The following KIF13A variants were observed in gnomAD, a reference collection of about 807,000 sequenced individuals.
The protein encoded by KIF13A is kinesin family member 13A, also known as kinesin-like protein KIF13A.
Under a neutral mutation model 212.2 loss-of-function variants are expected in KIF13A, and 79 were observed. The observed-to-expected ratio is 0.37, with a 90% confidence interval of 0.31 to 0.45. The LOEUF (loss-of-function observed/expected upper bound fraction) is 0.45. Among genes scored for constraint, KIF13A ranks in the 20% least tolerant of loss-of-function variants. The pLI is 1.00. For missense variants in KIF13A, 1,901 were observed against 2,209.0 expected, an observed-to-expected ratio of 0.86 and a Z score of 2.79; for synonymous variants, 789 against 808.6, an observed-to-expected ratio of 0.98 and a Z score of 0.41.
chr6:17,965,302 G>T (rs1779203411), intron 2 of KIF13A, among the ~76,000 whole-genome samples: 1 of 149,500 alleles, frequency 6.7e-6, no homozygotes, highest in Admixed American at 6.6e-5. Flanking sequence ...ATAAATAAGT[G>T]TTGTTTCCAT....
chr6:17,939,090 AC>A (rs1776734520), intron 2 of KIF13A, among the ~76,000 whole-genome samples: 1 of 152,168 alleles, frequency 6.6e-6, no homozygotes, highest in Non-Finnish European at 1.5e-5. Flanking sequence ...ATAAACAGAA[AC>A]AAATTTAAAT....
chr6:17,784,898 G>C (rs191786742), intron 28 of KIF13A, among the ~76,000 whole-genome samples: 1 of 152,282 alleles, frequency 6.6e-6, no homozygotes, highest in Non-Finnish European at 1.5e-5. Context: ...TTTATCATTA[G>C]AGATGCAGGT....
rs906872333 is a variant in KIF13A, at chr6:17,794,754, G to A, written c.2943-50C>T. 1 of 1,561,916 alleles carries A rather than the reference G, an allele frequency of 6.4e-7. No homozygotes were observed. Among genetic ancestry groups the A allele is most frequent in the Non-Finnish European group, 8.6e-7 (1 of 1,156,750 alleles). On this transcript the variant is annotated intron_variant, in intron 23 of 38. Transcript: ENST00000259711. The surrounding 1 kb of genome is among the most constrained non-coding windows in gnomAD (Gnocchi z 4.1). ...AAGAGCGTCATCGTCCAGGGATACT[G>A]TTAGTAATAGTAATAAGCCACCATT...
Position 17,967,563 on chromosome 6 carries a change from C to T in KIF13A, c.146+19491G>A, listed in dbSNP as rs7755583. On this transcript the variant is annotated intron_variant, in intron 2 of 38. Transcript: ENST00000259711. This position sits in a 1 kb window ranked among gnomAD's most constrained non-coding sequence, Gnocchi z 4.1. The stretch of plus-strand genomic sequence containing the variant: ...TCCGAAGTCTTTCTGGAAGACTGCA[C>T]GTGTCAGGAGCAGAGATGCCTGGTT... Among the ~76,000 whole-genome samples, 1 of 152,098 alleles carries T rather than the reference C, an allele frequency of 6.6e-6. No individual in the cohort carries two copies. The highest frequency in any genetic ancestry group is 6.6e-5 in the Admixed American group (1 of 15,266).
rs561174669 is a variant in KIF13A at position 17,794,213 on chromosome 6, C to G, written c.3222+36G>C. ...CCCCCTGGGACCTGCATTAACCAAG[C>G]TTTGTTAAATACTATTTTAAGTCTG... On this transcript the variant is annotated intron_variant, in intron 25 of 38. Transcript: ENST00000259711. The surrounding 1 kb of genome is among the most constrained non-coding windows in gnomAD (Gnocchi z 4.1). The G allele has an allele frequency of 6.4e-7, 1 of 1,563,076 alleles. No individual in the cohort carries two copies. Among genetic ancestry groups the G allele is most frequent in the South Asian group, 1.2e-5 (1 of 86,612 alleles).
chr6:17,910,603 T>A (rs146702269), intron 2 of KIF13A, among the ~76,000 whole-genome samples: 9 of 152,220 alleles, frequency 5.9e-5, no homozygotes, highest in Admixed American at 2.0e-4. Flanking sequence ...TGTCAAAAAA[T>A]TTTTTAAATT....
chr6:17,772,100 A>C lies in KIF13A; in HGVS notation c.4325-41T>G. On this transcript the variant is annotated intron_variant, in intron 36 of 38. Coordinates refer to ENST00000259711, the MANE Select transcript of KIF13A (RefSeq NM_022113.6). The surrounding 1 kb of genome is among the most constrained non-coding windows in gnomAD (Gnocchi z 4.8). ...AGTTATGAGGTTACAGATGCTGAAC[A>C]CTTTAAGCAAAACATAGGAACTGAG... The C allele has an allele frequency of 6.3e-7, 1 of 1,586,974 alleles. No individual in the cohort carries two copies. Among genetic ancestry groups the C allele is most frequent in the East Asian group, 2.2e-5 (1 of 44,744 alleles).
intron 18 of KIF13A, among the ~76,000 whole-genome samples, chr6:17,807,567 T>C (rs1375203476): frequency 2.1e-5 from 3 of 145,514 alleles, no homozygotes; most frequent in Non-Finnish European, 3.2e-5. Context: ...TGTGCACCAC[T>C]GAACATAGAC....
rs1437601387 is a variant in KIF13A at position 17,816,765 on chromosome 6, C to G, written c.2000+255G>C. Among the ~76,000 whole-genome samples the G allele has an allele frequency of 6.6e-6, 1 of 152,110 alleles. No individual in the cohort carries two copies. Among genetic ancestry groups the G allele is most frequent in the Non-Finnish European group, 1.5e-5 (1 of 68,026 alleles). Reference sequence around the variant, plus strand: ...AAATTTCAATACATACCTGTCTAACCCTTGCAACTTGGCACCATTTTTATT... The same window carrying G: ...AAATTTCAATACATACCTGTCTAACGCTTGCAACTTGGCACCATTTTTATT... On this transcript the variant is annotated intron_variant, in intron 17 of 38. Coordinates refer to ENST00000259711, the MANE Select transcript of KIF13A (RefSeq NM_022113.6). This position sits in a 1 kb window ranked among gnomAD's most constrained non-coding sequence, Gnocchi z 4.3.
chr6:17,858,618 G>A (rs1768392911), intron 4 of KIF13A, among the ~76,000 whole-genome samples: 1 of 152,106 alleles, frequency 6.6e-6, no homozygotes, highest in African/African-American at 2.4e-5. Context: ...TGGAGCCAAG[G>A]CCTATATCAG....
At chr6:17,882,872 A>T (rs1196131817) in intron 3 of KIF13A, among the ~76,000 whole-genome samples, 2 of 151,950 alleles carry the variant, frequency 1.3e-5, no homozygotes, top group African/African-American at 4.8e-5. Context: ...TGCTTATAAA[A>T]CTTTTAAGGA....
At chr6:17,890,188 C>CA (rs71002280) in intron 3 of KIF13A, among the ~76,000 whole-genome samples, 94,666 of 123,430 alleles carry the variant, frequency 0.77, 35,530 homozygotes, top group South Asian at 0.84. Flanking sequence ...AACTTCGTCT[C>CA]AAAAAAAAAA....
chr6:17,929,452 G>A (rs1775799460), intron 2 of KIF13A, among the ~76,000 whole-genome samples: 1 of 151,580 alleles, frequency 6.6e-6, no homozygotes, highest in Non-Finnish European at 1.5e-5. Context: ...CCAGGCTGGA[G>A]TGCAGTGGCA....
At position 17,987,234 on chromosome 6, in the gene KIF13A, C is replaced by G; in HGVS notation, c.56-90G>C. ...CAGCCGCGCCGAGCGGGGCTCCGTC[C>G]CTGGAGGCGGCCGAGCCTGGAGACG... On this transcript the variant is annotated intron_variant, in intron 1 of 38. Coordinates refer to ENST00000259711, the MANE Select transcript of KIF13A (RefSeq NM_022113.6). The surrounding 1 kb of genome is among the most constrained non-coding windows in gnomAD (Gnocchi z 7.7). 5 of 1,154,894 alleles carry G rather than the reference C, an allele frequency of 4.3e-6. No homozygotes were observed. In the South Asian group the frequency reaches 9.2e-5, roughly 21 times the overall value. 71.5% of individuals were successfully genotyped at this position (1,154,894 alleles called of 1,614,324 possible).
intron 2 of KIF13A, among the ~76,000 whole-genome samples, chr6:17,928,097 G>T (rs1775651707): frequency 6.6e-6 from 1 of 152,190 alleles, no homozygotes; most frequent in Non-Finnish European, 1.5e-5. Flanking sequence ...AGAAATTTAG[G>T]TATCTACTTC....
Position 17,799,606 on chromosome 6 carries a change from T to A in KIF13A, c.2617-167A>T, listed in dbSNP as rs1762317915. On this transcript the variant is annotated intron_variant, in intron 21 of 38. Coordinates refer to ENST00000259711, the MANE Select transcript of KIF13A (RefSeq NM_022113.6). The surrounding 1 kb of genome is among the most constrained non-coding windows in gnomAD (Gnocchi z 4.4). ...ACTAAGGGTTGTATCGATAATGAAA[T>A]CTGTACCACAGTTCTGTAACTATAG... 6.6e-6 allele frequency among the ~76,000 whole-genome samples: 1 copy of A among 152,096 alleles called. No homozygotes were observed. The highest frequency in any genetic ancestry group is 1.5e-5 in the Non-Finnish European group (1 of 68,026).
In KIF13A at chr6:17,778,991, C is replaced by T. The variant is rs762633563; in HGVS notation, c.4048G>A (p.Val1350Met). Residue 1350 changes from valine (V) to methionine (M), a missense_variant, in exon 33 of 39, where the codon GTG becomes ATG. Around this residue, in one of 5 missense-constraint regions of KIF13A, gnomAD observed 687 missense variants for 759.1 expected, o/e 0.90. Coordinates refer to ENST00000259711, the MANE Select transcript of KIF13A (RefSeq NM_022113.6). ...ETYIEKYTRG[V>M]LQVENILSLE... Reference sequence around the variant, plus strand: ...CTCAGAATGTTTTCCACCTGCAGCACGCCTCGAGTGTACTTCTCAATGTAC... The same window carrying T: ...CTCAGAATGTTTTCCACCTGCAGCATGCCTCGAGTGTACTTCTCAATGTAC... 8 of 1,611,832 alleles carry T rather than the reference C, an allele frequency of 5.0e-6. No homozygotes were observed. The highest frequency in any genetic ancestry group is 4.5e-5 in the East Asian group (2 of 44,834).
chr6:17,924,878 G>A (rs1775363657), intron 2 of KIF13A, among the ~76,000 whole-genome samples: 1 of 152,172 alleles, frequency 6.6e-6, no homozygotes. Flanking sequence ...AAACTTAGCT[G>A]ATTCAGAAGT....
chr6:17,768,861 A>G lies in KIF13A; in HGVS notation c.4581+2253T>C, dbSNP rs904947823. On this transcript the variant is annotated intron_variant, in intron 38 of 38. Coordinates refer to ENST00000259711, the MANE Select transcript of KIF13A (RefSeq NM_022113.6). The surrounding 1 kb of genome is among the most constrained non-coding windows in gnomAD (Gnocchi z 5.4). ...TTTATGACTTAAAAAGACAGACTCC[A>G]AAGGCATATTGTTGCTTCTGTCTTA... Among the ~76,000 whole-genome samples, 14 of 152,216 alleles carry G rather than the reference A, an allele frequency of 9.2e-5. No homozygotes were observed. Among genetic ancestry groups the G allele is most frequent in the African/African-American group, 3.4e-4 (14 of 41,462 alleles).
Sources: allele counts gnomAD v4.1 joint callset (sites outside exome capture counted in the v4.1 genomes callset), GRCh38; gene constraint gnomAD v4.1.1; regional missense constraint gnomAD v4.1.1; non-coding constraint Gnocchi (gnomAD v3.1); transcripts MANE v1.5; gene names NCBI Gene and HGNC (gene_info 2026-07-23, HGNC 2026-07-21).